PCDH17: variants seen among roughly 807,000 people sequenced by gnomAD.
PCDH17 encodes protocadherin 17, also known as protocadherin-17.
A neutral mutation model predicts 67.7 loss-of-function variants in PCDH17; 21 were observed. The observed-to-expected ratio is 0.31, with a 90% CI of 0.22 to 0.45. The LOEUF (loss-of-function observed/expected upper bound fraction) is 0.45, where lower values mean the gene tolerates loss of function less well. Ranked by LOEUF, PCDH17 falls within the 20% of genes least tolerant of loss-of-function variation. The pLI, the probability that PCDH17 is intolerant of heterozygous loss-of-function variation, is 1.00. For missense variants in PCDH17, 1,471 were observed against 1,564.8 expected (o/e 0.94, Z 1.01); for synonymous variants, 701 against 656.7 (o/e 1.07, Z -1.03).
At chr13:57,722,612 T>C (rs1038838759) in intron 3 of PCDH17, among the ~76,000 whole-genome samples, 7 of 152,146 alleles carry the variant, frequency 4.6e-5, no homozygotes, top group Admixed American at 2.6e-4. Context: ...CTTTTCTATG[T>C]ATTTATTTAC....
intron 1 of PCDH17, among the ~76,000 whole-genome samples, chr13:57,646,965 T>C (rs1347904878): frequency 6.6e-6 from 1 of 151,864 alleles, no homozygotes; most frequent in Non-Finnish European, 1.5e-5. Flanking sequence ...AAGCCCTGTG[T>C]GCCAGGAACA....
intron 3 of PCDH17, among the ~76,000 whole-genome samples, chr13:57,697,116 T>C (rs1032096457): frequency 6.6e-6 from 1 of 151,668 alleles, no homozygotes; most frequent in Non-Finnish European, 1.5e-5. Flanking sequence ...GGGCACCTGC[T>C]TCAGTTTTCA....
intron 3 of PCDH17, among the ~76,000 whole-genome samples, chr13:57,694,587 CACTT>C (rs1249629744): frequency 6.6e-6 from 1 of 151,208 alleles, no homozygotes; most frequent in African/African-American, 2.4e-5. Flanking sequence ...TGAATAAACA[CACTT>C]AACACTAGTT....
chr13:57,645,166 T>A (rs937502159), intron 1 of PCDH17, among the ~76,000 whole-genome samples: 3 of 151,740 alleles, frequency 2.0e-5, no homozygotes, highest in Non-Finnish European at 4.4e-5. Flanking sequence ...ATATTAAGTC[T>A]GTAAAGTGTT....
chr13:57,671,833 G>A (rs1028483455), intron 3 of PCDH17, among the ~76,000 whole-genome samples: 1 of 151,998 alleles, frequency 6.6e-6, no homozygotes, highest in Admixed American at 6.6e-5. Flanking sequence ...AGAAGTGGCG[G>A]TGGGATCATC....
chr13:57,630,923 C>A (rs572974622), upstream of PCDH17, among the ~76,000 whole-genome samples: 45 of 152,274 alleles, frequency 3.0e-4, no homozygotes, highest in South Asian at 9.3e-3. Flanking sequence ...CCTCCAGAAC[C>A]CGAAATAATG....
chr13:57,669,199 A>C (rs1193680415), intron 3 of PCDH17, among the ~76,000 whole-genome samples: 1 of 152,022 alleles, frequency 6.6e-6, no homozygotes, highest in Non-Finnish European at 1.5e-5. Flanking sequence ...TGATTGATTG[A>C]TCCATTGATT....
At chr13:57,700,285 A>G (rs1955649392) in intron 3 of PCDH17, among the ~76,000 whole-genome samples, 1 of 151,678 alleles carries the variant, frequency 6.6e-6, no homozygotes, top group Non-Finnish European at 1.5e-5. Flanking sequence ...TCCCTAAAAT[A>G]TAAACTATCG....
intron 1 of PCDH17, among the ~76,000 whole-genome samples, chr13:57,659,093 G>T (rs1955149156): frequency 7.9e-6 from 1 of 126,470 alleles, no homozygotes; most frequent in Non-Finnish European, 1.7e-5. Flanking sequence ...TAGCACCAAG[G>T]TTATTTATAT....
intron 3 of PCDH17, among the ~76,000 whole-genome samples, chr13:57,669,044 A>T (rs868441687): frequency 6.6e-6 from 1 of 150,504 alleles, no homozygotes; most frequent in Middle Eastern, 3.4e-3. Flanking sequence ...CCTGTGTCCC[A>T]GTGTTCTCAT....
intron 1 of PCDH17, among the ~76,000 whole-genome samples, chr13:57,655,539 C>A (rs775379175): frequency 1.2e-4 from 18 of 151,794 alleles, no homozygotes; most frequent in Admixed American, 2.0e-4. Context: ...TATTAAATTT[C>A]TTTTGCATTT....
rs78487851 is a variant in PCDH17 at position 57,707,810 on chromosome 13, C to T, written c.2798-16802C>T. On this transcript the variant is annotated intron_variant, in intron 3 of 3. Transcript: ENST00000377918. ...TAGACACACACTTCAATCTCTGTGT[C>T]TATGGTCCCATGATGTTCTCCCTAT... 3.2e-3 allele frequency among the ~76,000 whole-genome samples: 484 copies of T among 152,162 alleles called. 1 individual carries two copies. Among genetic ancestry groups the T allele is most frequent in the African/African-American group, 9.4e-3 (391 of 41,552 alleles).
intron 3 of PCDH17, among the ~76,000 whole-genome samples, chr13:57,698,198 G>A (rs1955629329): frequency 6.6e-6 from 1 of 151,290 alleles, no homozygotes; most frequent in Non-Finnish European, 1.5e-5. Flanking sequence ...ACATAAATAT[G>A]AAGATAATAT....
rs146333612 is a variant in PCDH17, at chr13:57,728,517, T to TAA, written c.*3245_*3246dup. 1.8e-3 allele frequency: 129 copies of TAA among 70,754 alleles called. No individual in the cohort carries two copies. The highest frequency in any genetic ancestry group is 6.3e-3 in the African/African-American group (117 of 18,660). 4.4% of individuals were successfully genotyped at this position (70,754 alleles called of 1,614,324 possible). On this transcript the variant is annotated 3_prime_UTR_variant, in exon 4 of 4. Coordinates refer to ENST00000377918, the MANE Select transcript of PCDH17 (RefSeq NM_001040429.3). ...TTCTAAAAATTGCTTGCAGATGAGC[T>TAA]AAAAAAAAAAAAAAAAAAAAAAAGC...
chr13:57,677,940 A>G (rs1382428851), intron 3 of PCDH17, among the ~76,000 whole-genome samples: 1 of 151,756 alleles, frequency 6.6e-6, no homozygotes, highest in African/African-American at 2.4e-5. Flanking sequence ...TGTTAGTCAA[A>G]GGATATGTAA....
intron 3 of PCDH17, among the ~76,000 whole-genome samples, chr13:57,681,816 A>G (rs1955452794): frequency 3.3e-5 from 5 of 151,780 alleles, no homozygotes; most frequent in Admixed American, 2.6e-4. Context: ...TGAGCAATAA[A>G]TAAGATCACT....
At chr13:57,631,284 C>T (rs1357555641), upstream of PCDH17, among the ~76,000 whole-genome samples, 1 of 152,132 alleles carries the variant, frequency 6.6e-6, no homozygotes, top group Non-Finnish European at 1.5e-5. Flanking sequence ...AGGCACTTGA[C>T]AGCCCAGCCC....
chr13:57,637,004 C>T (rs774849833), intron 1 of PCDH17, among the ~76,000 whole-genome samples: 3 of 151,958 alleles, frequency 2.0e-5, no homozygotes, highest in Non-Finnish European at 4.4e-5. Context: ...GATAGTGATA[C>T]CTGTAGTATA....
intron 3 of PCDH17, among the ~76,000 whole-genome samples, chr13:57,717,278 A>G (rs1176764311): frequency 3.3e-5 from 5 of 152,016 alleles, no homozygotes; most frequent in Non-Finnish European, 7.4e-5. Flanking sequence ...TATTTGTGCC[A>G]TAAATTCCCA....
Sources: allele counts gnomAD v4.1 joint callset (sites outside exome capture counted in the v4.1 genomes callset), GRCh38; gene constraint gnomAD v4.1.1; transcripts MANE v1.5; gene names NCBI Gene and HGNC (gene_info 2026-07-23, HGNC 2026-07-21).